CHMP3: variants seen among roughly 807,000 people sequenced by gnomAD.
CHMP3 encodes charged multivesicular body protein 3.
In CHMP3, 8 loss-of-function variants were observed where a neutral mutation model predicts 27.4. The observed-to-expected ratio is 0.29, with a 90% CI of 0.17 to 0.53. The LOEUF (loss-of-function observed/expected upper bound fraction) is 0.53, where lower values mean the gene tolerates loss of function less well. CHMP3 is among the 20% of genes least tolerant of loss of function. The pLI is 0.96. For synonymous variants in CHMP3, 86 were observed against 85.5 expected (o/e 1.01, Z -0.03); for missense variants, 208 against 271.5 (o/e 0.77, Z 1.64).
In CHMP3 at chr2:86,528,410, T is replaced by C. The variant is rs567112678; in HGVS notation, c.286+808A>G. On this transcript the variant is annotated intron_variant, in intron 3 of 5. Coordinates refer to ENST00000263856, the MANE Select transcript of CHMP3 (RefSeq NM_016079.4). ...ATTCACAGGTGTAATCAGAGCTCAC[T>C]GTGGCCTCAAACCCCTGGGCTCAAG... is the stretch of plus-strand genomic sequence containing the variant. 3.3e-5 allele frequency among the ~76,000 whole-genome samples: 5 copies of C among 152,302 alleles called. No homozygotes were observed. The South Asian group carries it at 1.0e-3, about 32-fold the overall frequency.
chr2:86,509,670 C>T (rs1407112497), intron 4 of CHMP3, among the ~76,000 whole-genome samples: 1 of 152,146 alleles, frequency 6.6e-6, no homozygotes, highest in East Asian at 1.9e-4. Flanking sequence ...CTGCAGTGCC[C>T]CAACTCTATA....
chr2:86,538,813 A>G (rs1676245019), intron 2 of CHMP3, among the ~76,000 whole-genome samples: 1 of 152,160 alleles, frequency 6.6e-6, no homozygotes, highest in Non-Finnish European at 1.5e-5. Flanking sequence ...AGAACTCCCT[A>G]TAGTTATATT....
At chr2:86,513,380 G>C (rs1675177714) in intron 3 of CHMP3, among the ~76,000 whole-genome samples, 1 of 152,172 alleles carries the variant, frequency 6.6e-6, no homozygotes, top group South Asian at 2.1e-4. Context: ...ACAGCACAGA[G>C]AATTTTTAGG....
chr2:86,534,583 T>C (rs1198235870), intron 2 of CHMP3, among the ~76,000 whole-genome samples: 1 of 152,230 alleles, frequency 6.6e-6, no homozygotes, highest in Non-Finnish European at 1.5e-5. Flanking sequence ...CTAACTATTA[T>C]GGAAGAACTA....
At chr2:86,546,639 C>T (rs1420270266) in intron 1 of CHMP3, among the ~76,000 whole-genome samples, 5 of 151,884 alleles carry the variant, frequency 3.3e-5, no homozygotes. Context: ...GATTTCACCA[C>T]GTTGGCCAGG....
chr2:86,552,656 G>C (rs1676955538), intron 1 of CHMP3, among the ~76,000 whole-genome samples: 1 of 152,196 alleles, frequency 6.6e-6, no homozygotes, highest in Admixed American at 6.5e-5. Context: ...AAAGTTATTA[G>C]CATCATTAAT....
At chr2:86,532,253 T>C (rs1675953046) in intron 2 of CHMP3, among the ~76,000 whole-genome samples, 1 of 152,198 alleles carries the variant, frequency 6.6e-6, no homozygotes, top group Non-Finnish European at 1.5e-5. Flanking sequence ...AGATTGTCCA[T>C]CGTTAATATA....
intron 3 of CHMP3, among the ~76,000 whole-genome samples, chr2:86,514,524 G>A (rs1675222443): frequency 6.6e-6 from 1 of 152,148 alleles, no homozygotes; most frequent in Non-Finnish European, 1.5e-5. Context: ...GGCATGGGTG[G>A]CTTAATCTTA....
At chr2:86,514,854 G>T (rs1043012642) in intron 3 of CHMP3, among the ~76,000 whole-genome samples, 3 of 151,960 alleles carry the variant, frequency 2.0e-5, no homozygotes, top group African/African-American at 7.3e-5. Context: ...TGGTTAAAAT[G>T]GCAAATTTTC....
chr2:86,553,625 C>T (rs1021438459), intron 1 of CHMP3, among the ~76,000 whole-genome samples: 5 of 152,136 alleles, frequency 3.3e-5, no homozygotes, highest in Non-Finnish European at 4.4e-5. Flanking sequence ...CCACCGCGCC[C>T]GACCCCAAAC....
intron 2 of CHMP3, among the ~76,000 whole-genome samples, chr2:86,535,163 G>C (rs942370011): frequency 4.0e-5 from 6 of 151,718 alleles, no homozygotes; most frequent in African/African-American, 1.5e-4. Flanking sequence ...GGCTGAGATG[G>C]GAGGATTGCT....
chr2:86,561,594 G>A (rs888578859), intron 1 of CHMP3: 20 of 152,090 alleles, frequency 1.3e-4, no homozygotes, highest in Admixed American at 3.9e-4. Flanking sequence ...CATAATGGGG[G>A]GAAAAACAAC....
intron 2 of CHMP3, among the ~76,000 whole-genome samples, chr2:86,529,895 AAATAT>A (rs1479300447): frequency 3.3e-5 from 5 of 152,344 alleles, no homozygotes; most frequent in African/African-American, 1.2e-4. Flanking sequence ...AAAATACATA[AAATAT>A]AACATCTTAA....
At chr2:86,538,256 A>T (rs1293532988) in intron 2 of CHMP3, among the ~76,000 whole-genome samples, 1 of 152,200 alleles carries the variant, frequency 6.6e-6, no homozygotes, top group African/African-American at 2.4e-5. Flanking sequence ...AGTGGTTACC[A>T]GGGGCTGGGG....
chr2:86,525,415 T>C (rs1470059191), intron 3 of CHMP3, among the ~76,000 whole-genome samples: 3 of 152,078 alleles, frequency 2.0e-5, no homozygotes, highest in Admixed American at 2.0e-4. Context: ...TATACTGTTC[T>C]CATCTATCTG....
chr2:86,540,407 T>C (rs1254466454), intron 2 of CHMP3, among the ~76,000 whole-genome samples: 1 of 152,130 alleles, frequency 6.6e-6, no homozygotes. Context: ...ACAGGTTGAA[T>C]ATCTCTTATC....
At chr2:86,563,219 G>C (rs1328747179) in intron 1 of CHMP3, 85 bp downstream of exon 1, 1 of 1,501,756 alleles carries the variant, frequency 6.7e-7, no homozygotes, top group South Asian at 1.2e-5. Context: ...GGCAGGCGGT[G>C]GGGAGAAGAG....
chr2:86,549,461 A>G, intron 1 of CHMP3, among the ~76,000 whole-genome samples: 1 of 138,240 alleles, frequency 7.2e-6, no homozygotes, highest in South Asian at 2.5e-4. Flanking sequence ...GTGGCCGGGC[A>G]GAGGCGCTCC....
chr2:86,534,837 A>G (rs1676062845), intron 2 of CHMP3, among the ~76,000 whole-genome samples: 1 of 152,024 alleles, frequency 6.6e-6, no homozygotes, highest in African/African-American at 2.4e-5. Flanking sequence ...CTTCCAATCT[A>G]TTTGTGTTTT....
Sources: allele counts gnomAD v4.1 joint callset (sites outside exome capture counted in the v4.1 genomes callset), GRCh38; gene constraint gnomAD v4.1.1; transcripts MANE v1.5; gene names NCBI Gene and HGNC (gene_info 2026-07-23, HGNC 2026-07-21).